CCAR1: variants seen among roughly 807,000 people sequenced by gnomAD.
CCAR1 encodes cell division cycle and apoptosis regulator protein 1.
CCAR1 carries 78 observed loss-of-function variants against 163.8 expected under a neutral mutation model. The ratio of observed to expected loss-of-function variants is 0.48; its 90% CI spans 0.40 to 0.57. The LOEUF (loss-of-function observed/expected upper bound fraction) is 0.57, where lower values mean the gene tolerates loss of function less well. Ranked by LOEUF, CCAR1 falls within the 20% of genes least tolerant of loss-of-function variation. The pLI is 0.00. For missense variants in CCAR1, 1,019 were observed against 1,365.2 expected, an observed-to-expected ratio of 0.75 and a Z score of 4.00; for synonymous variants, 443 against 460.7, an observed-to-expected ratio of 0.96 and a Z score of 0.49.
At chr10:68,764,843 C>T (rs1024431418) in intron 16 of CCAR1, among the ~76,000 whole-genome samples, 2 of 152,104 alleles carry the variant, frequency 1.3e-5, no homozygotes, top group African/African-American at 2.4e-5. Context: ...TTTTCATCTG[C>T]CTTGTGGTGG....
intron 8 of CCAR1, among the ~76,000 whole-genome samples, chr10:68,748,448 A>G (rs1589164728): frequency 6.6e-6 from 1 of 151,386 alleles, no homozygotes; most frequent in African/African-American, 2.4e-5. Context: ...ACAGAAGCCT[A>G]CTTAATTAGC....
At chr10:68,781,965 C>T (rs2056741845) in intron 19 of CCAR1, among the ~76,000 whole-genome samples, 1 of 152,062 alleles carries the variant, frequency 6.6e-6, no homozygotes, top group Non-Finnish European at 1.5e-5. Context: ...TGAGATAGGC[C>T]AAAAGCTAGT....
intron 16 of CCAR1, among the ~76,000 whole-genome samples, chr10:68,763,340 G>A (rs1482095069): frequency 3.3e-5 from 5 of 151,860 alleles, no homozygotes; most frequent in Admixed American, 2.6e-4. Flanking sequence ...TAGTAGAGAC[G>A]GGGTTTTGTC....
rs543259960 is a variant in CCAR1, at chr10:68,788,901, A to G, written c.3187+573A>G. On this transcript the variant is annotated intron_variant, in intron 23 of 24. Coordinates refer to ENST00000265872, the MANE Select transcript of CCAR1 (RefSeq NM_018237.4). ...TGTTACCTGTTGCATCCTTTTAATC[A>G]TCTTCTGGTTCCACTTTTTTTTTTT... Among the ~76,000 whole-genome samples the G allele has an allele frequency of 6.2e-5, 9 of 145,942 alleles. No individual in the cohort carries two copies. In the South Asian group the frequency reaches 1.9e-3, roughly 31 times the overall value.
Position 68,747,441 on chromosome 10 carries a change from C to T in CCAR1, c.701C>T (p.Thr234Ile). The change falls in exon 8 of 25, where the codon ACA (threonine) becomes ATA (isoleucine). Residue 234 changes from threonine (T) to isoleucine (I), a missense_variant. Physicochemically the swap from Thr to Ile is moderately conservative, Grantham distance 89. Transcript: ENST00000265872. ...PAVLQPIAPQ[T>I]TFGVQTQPQP... ...GTACTTCAGCCAATTGCACCACAGA[C>T]AACATTTGGTGTTCAGACTCAGCCC... The T allele has an allele frequency of 6.2e-7, 1 of 1,614,100 alleles. No homozygotes were observed. Among genetic ancestry groups the T allele is most frequent in the Non-Finnish European group, 8.5e-7 (1 of 1,179,980 alleles).
chr10:68,788,395 T>C, intron 23 of CCAR1, 67 bp downstream of exon 23: 1 of 1,110,878 alleles, frequency 9.0e-7, no homozygotes, highest in Non-Finnish European at 1.3e-6. Context: ...TGTTTATGTG[T>C]GTACATACAT....
chr10:68,772,570 A>G (rs916502969), intron 18 of CCAR1, among the ~76,000 whole-genome samples: 3 of 152,032 alleles, frequency 2.0e-5, no homozygotes, highest in Admixed American at 6.6e-5. Flanking sequence ...TTAGTAATTT[A>G]ATGTGTGGTG....
intron 6 of CCAR1, among the ~76,000 whole-genome samples, chr10:68,746,260 C>T (rs922023009): frequency 5.5e-5 from 8 of 146,264 alleles, no homozygotes; most frequent in Admixed American, 2.8e-4. Context: ...CGTGAGCCAC[C>T]GCGCCCAGCC....
intron 24 of CCAR1, 46 bp downstream of exon 24, chr10:68,789,961 A>G: frequency 8.2e-7 from 1 of 1,219,872 alleles, no homozygotes; most frequent in Non-Finnish European, 1.2e-6. Context: ...TTAAAAATCT[A>G]ACTCTGGTGT....
At chr10:68,773,842 A>C (rs1009512703) in intron 19 of CCAR1, among the ~76,000 whole-genome samples, 1 of 151,984 alleles carries the variant, frequency 6.6e-6, no homozygotes, top group African/African-American at 2.4e-5. Flanking sequence ...TCCCTGGAGT[A>C]ACTGGGACTA....
intron 17 of CCAR1, among the ~76,000 whole-genome samples, chr10:68,767,370 C>T (rs1309131319): frequency 2.0e-5 from 3 of 152,128 alleles, no homozygotes; most frequent in South Asian, 2.1e-4. Context: ...CAGGCTCAAG[C>T]GATTCTCCTG....
At chr10:68,782,091 A>G (rs960519929) in intron 19 of CCAR1, among the ~76,000 whole-genome samples, 3 of 152,208 alleles carry the variant, frequency 2.0e-5, no homozygotes, top group Non-Finnish European at 2.9e-5. Context: ...CTTTATTGCT[A>G]TAAGGAGAGA....
At chr10:68,771,597 C>T (rs548870765) in intron 18 of CCAR1, 152 bp downstream of exon 18, 3 of 747,160 alleles carry the variant, frequency 4.0e-6, no homozygotes, top group East Asian at 2.6e-5. Flanking sequence ...TCACAGCTAA[C>T]ACAGTGAAAC....
At chr10:68,747,638 C>CA in intron 8 of CCAR1, 72 bp downstream of exon 8, 4 of 1,350,520 alleles carry the variant, frequency 3.0e-6, no homozygotes, top group South Asian at 1.4e-5. Context: ...CTTTTAATTA[C>CA]AAAAAAAGGC....
At chr10:68,722,634 G>T (rs2055875721) in intron 2 of CCAR1, 57 bp downstream of exon 2, 1 of 1,333,662 alleles carries the variant, frequency 7.5e-7, no homozygotes. Flanking sequence ...TTAAAACTAC[G>T]TGAATTAGGG....
intron 19 of CCAR1, among the ~76,000 whole-genome samples, chr10:68,783,190 T>C (rs887337204): frequency 6.6e-6 from 1 of 151,416 alleles, no homozygotes; most frequent in Non-Finnish European, 1.5e-5. Context: ...ATTTATTTAT[T>C]TTTATTTTTT....
At chr10:68,789,243 C>T (rs941586158) in intron 23 of CCAR1, among the ~76,000 whole-genome samples, 7 of 151,708 alleles carry the variant, frequency 4.6e-5, no homozygotes, top group African/African-American at 1.7e-4. Context: ...GTTCTCTAAT[C>T]TATACAGTCA....
chr10:68,756,242 T>G lies in CCAR1; in HGVS notation c.1626-31T>G. 1 of 1,575,596 alleles carries G rather than the reference T, an allele frequency of 6.3e-7. No homozygotes were observed. Among genetic ancestry groups the G allele is most frequent in the Non-Finnish European group, 8.7e-7 (1 of 1,150,520 alleles). ...GTCTTTAAAATGTATTTTAGAATTTTTTTTCCAACATGCTTCTTCCCTTGC... is the reference window on the plus strand; with the variant it reads ...GTCTTTAAAATGTATTTTAGAATTTGTTTTCCAACATGCTTCTTCCCTTGC... On this transcript the variant is annotated intron_variant, in intron 13 of 24. Coordinates refer to ENST00000265872, the MANE Select transcript of CCAR1 (RefSeq NM_018237.4). The surrounding 1 kb of genome is among the most constrained non-coding windows in gnomAD (Gnocchi z 5.1).
intron 10 of CCAR1, among the ~76,000 whole-genome samples, chr10:68,753,120 A>G (rs1316325442): frequency 2.0e-5 from 3 of 152,216 alleles, no homozygotes; most frequent in Non-Finnish European, 4.4e-5. Flanking sequence ...CTTACATTAT[A>G]CTTTTAACAG....
Sources: allele counts gnomAD v4.1 joint callset (sites outside exome capture counted in the v4.1 genomes callset), GRCh38; gene constraint gnomAD v4.1.1; non-coding constraint Gnocchi (gnomAD v3.1); transcripts MANE v1.5; gene names NCBI Gene and HGNC (gene_info 2026-07-23, HGNC 2026-07-21).